The following PHACTR1 variants were observed in gnomAD, a reference collection of about 807,000 sequenced individuals.
PHACTR1 encodes the protein phosphatase and actin regulator 1.
PHACTR1 carries 16 observed loss-of-function variants against 69.2 expected under a neutral mutation model. That is an observed-to-expected ratio of 0.23 (90% confidence interval 0.16 to 0.35). PHACTR1 has a LOEUF of 0.35. Ranked by LOEUF, PHACTR1 falls within the 10% of genes least tolerant of loss-of-function variation. The pLI, the probability that PHACTR1 is intolerant of heterozygous loss-of-function variation, is 1.00. For synonymous variants in PHACTR1, 312 were observed against 284.5 expected, an observed-to-expected ratio of 1.10 and a Z score of -0.97; for missense variants, 510 against 734.7, an observed-to-expected ratio of 0.69 and a Z score of 3.54.
At chr6:12,774,174 T>C (rs1331623105) in intron 4 of PHACTR1, among the ~76,000 whole-genome samples, 2 of 152,196 alleles carry the variant, frequency 1.3e-5, no homozygotes, top group African/African-American at 4.8e-5. Context: ...TATTTTAGCC[T>C]TTCATATGTT....
At chr6:13,217,426 T>C (rs1043425377) in intron 8 of PHACTR1, among the ~76,000 whole-genome samples, 5 of 152,164 alleles carry the variant, frequency 3.3e-5, no homozygotes, top group African/African-American at 1.2e-4. Context: ...CAAAGTCAAG[T>C]AGAAAAGCCA....
At chr6:12,894,524 G>A (rs2127472872) in intron 4 of PHACTR1, among the ~76,000 whole-genome samples, 1 of 152,362 alleles carries the variant, frequency 6.6e-6, no homozygotes, top group East Asian at 1.9e-4. Flanking sequence ...AGAATCGTTT[G>A]AACTGGCAAG....
rs866258519 is a variant in PHACTR1, at chr6:13,231,100, G to A, written c.1391+907G>A. ...GGAAGGAAGGAAGAAGGAAGGAAGG[G>A]AAAAGAAAGAAGGAAAGAGAGAAAG... On this transcript the variant is annotated intron_variant, in intron 10 of 14. Coordinates refer to ENST00000332995, the MANE Select transcript of PHACTR1 (RefSeq NM_030948.6). 1.6e-4 allele frequency among the ~76,000 whole-genome samples: 6 copies of A among 37,150 alleles called. 1 individual carries two copies. The highest frequency in any genetic ancestry group is 2.6e-4 in the African/African-American group (3 of 11,372). The allele number at this position is 37,150 out of a possible 152,430, so 24.4% of individuals were successfully genotyped here.
At position 13,040,703 on chromosome 6, in the gene PHACTR1, T is replaced by A. The variant is rs1804003982; in HGVS notation, c.251-12662T>A. Among the ~76,000 whole-genome samples the A allele has an allele frequency of 2.0e-5, 3 of 152,212 alleles. No individual in the cohort carries two copies. In the South Asian group the frequency reaches 6.2e-4, roughly 32 times the overall value. On this transcript the variant is annotated intron_variant, in intron 4 of 14. Coordinates refer to ENST00000332995, the MANE Select transcript of PHACTR1 (RefSeq NM_030948.6). The stretch of plus-strand genomic sequence containing the variant: ...GAGTGTATACAGACTGAAACGGTTA[T>A]AAGCAATCAACACTCTAAATTTGGA...
intron 7 of PHACTR1, among the ~76,000 whole-genome samples, chr6:13,199,775 A>T (rs112162055): frequency 2.8e-4 from 42 of 151,982 alleles, no homozygotes; most frequent in African/African-American, 9.9e-4. Context: ...TTCTATAGAT[A>T]GAAATAAAAT....
chr6:13,010,392 T>C (rs1799314595), intron 4 of PHACTR1, among the ~76,000 whole-genome samples: 1 of 152,302 alleles, frequency 6.6e-6, no homozygotes, highest in African/African-American at 2.4e-5. Context: ...TGCCCCAAAG[T>C]GCTGGGATTA....
At chr6:12,875,388 C>T (rs995527303) in intron 4 of PHACTR1, among the ~76,000 whole-genome samples, 1 of 152,192 alleles carries the variant, frequency 6.6e-6, no homozygotes, top group African/African-American at 2.4e-5. Context: ...TCGATATTTG[C>T]GTTGTGCCCA....
intron 4 of PHACTR1, among the ~76,000 whole-genome samples, chr6:12,803,462 A>G (rs1353942237): frequency 2.6e-5 from 4 of 152,172 alleles, no homozygotes; most frequent in African/African-American, 9.7e-5. Flanking sequence ...GAAAGGAAGA[A>G]GAGGAAATTA....
At chr6:12,805,217 TA>T (rs1435682453) in intron 4 of PHACTR1, among the ~76,000 whole-genome samples, 7 of 152,210 alleles carry the variant, frequency 4.6e-5, no homozygotes, top group Non-Finnish European at 8.8e-5. Flanking sequence ...ATTCATCAAT[TA>T]ACACATTGTA....
At position 13,167,759 on chromosome 6, in the gene PHACTR1, G is replaced by T. The variant is rs757001665; in HGVS notation, c.496+7475G>T. Among the ~76,000 whole-genome samples the T allele has an allele frequency of 3.3e-5, 5 of 152,150 alleles. No individual in the cohort carries two copies. The South Asian group carries it at 6.2e-4, about 19-fold the overall frequency. ...TATGTTTTTTTCCTTAATCAGGTTG[G>T]AGCAACCTTAATCAGGTTGGAAGGT... On this transcript the variant is annotated intron_variant, in intron 6 of 14. Coordinates refer to ENST00000332995, the MANE Select transcript of PHACTR1 (RefSeq NM_030948.6).
chr6:13,063,036 C>A (rs1442143979), intron 5 of PHACTR1, among the ~76,000 whole-genome samples: 3 of 152,218 alleles, frequency 2.0e-5, no homozygotes, highest in African/African-American at 4.8e-5. Context: ...ATTTCTCATT[C>A]TAACAGAGTA....
intron 4 of PHACTR1, among the ~76,000 whole-genome samples, chr6:12,959,192 A>AAAAAAAG (rs1253124532): frequency 2.8e-5 from 3 of 106,622 alleles, no homozygotes; most frequent in African/African-American, 1.7e-4. Flanking sequence ...AAAAAAAAAA[A>AAAAAAAG]AAAGAAAAGA....
chr6:13,132,990 GAGTC>G (rs1820715931), intron 5 of PHACTR1, among the ~76,000 whole-genome samples: 1 of 151,992 alleles, frequency 6.6e-6, no homozygotes, highest in Non-Finnish European at 1.5e-5. Flanking sequence ...TTCAAAATTG[GAGTC>G]AGTCCTCTCA....
chr6:12,962,841 A>T (rs1202286344), intron 4 of PHACTR1, among the ~76,000 whole-genome samples: 1 of 152,158 alleles, frequency 6.6e-6, no homozygotes, highest in Non-Finnish European at 1.5e-5. Flanking sequence ...TGATCCTGTC[A>T]TCCAGGTTCC....
chr6:13,007,747 C>A (rs1270213897), intron 4 of PHACTR1, among the ~76,000 whole-genome samples: 1 of 150,440 alleles, frequency 6.6e-6, no homozygotes, highest in East Asian at 2.0e-4. Context: ...AGCAGTCTTC[C>A]GAAATAATGC....
chr6:12,844,716 T>C (rs1207190738), intron 4 of PHACTR1, among the ~76,000 whole-genome samples: 1 of 141,442 alleles, frequency 7.1e-6, no homozygotes, highest in Admixed American at 7.4e-5. Context: ...TTTCAAGAAG[T>C]ATTTGAGGTA....
chr6:13,231,286 GAA>G, intron 10 of PHACTR1, among the ~76,000 whole-genome samples: 1 of 58,432 alleles, frequency 1.7e-5, no homozygotes, highest in African/African-American at 9.6e-5. Context: ...GAAGGAAAGA[GAA>G]AGAGAGAGCG....
intron 4 of PHACTR1, among the ~76,000 whole-genome samples, chr6:13,042,268 T>C (rs1267932700): frequency 2.0e-5 from 3 of 152,196 alleles, no homozygotes; most frequent in Non-Finnish European, 4.4e-5. Context: ...AAGCACTACA[T>C]GAACATTAGG....
chr6:13,254,078 A>G (rs932045517), intron 10 of PHACTR1, among the ~76,000 whole-genome samples: 7 of 152,100 alleles, frequency 4.6e-5, no homozygotes, highest in Admixed American at 3.9e-4. Flanking sequence ...AAATACAAAA[A>G]TTAGCCAGGC....
Sources: gnomAD v4.1 joint callset for allele counts (sites outside exome capture counted in the v4.1 genomes callset) on GRCh38, gnomAD v4.1.1 for gene constraint, MANE v1.5 for transcripts, NCBI Gene and HGNC (gene_info 2026-07-23, HGNC 2026-07-21) for gene names.